Variants in EIF4G3 observed in about 807,000 individuals in gnomAD.
EIF4G3 encodes the protein eukaryotic translation initiation factor 4 gamma 3, also known as eIF-4-gamma 3.
Under a neutral mutation model 186.4 loss-of-function variants are expected in EIF4G3, and 34 were observed. The observed-to-expected ratio is 0.18, with a 90% CI of 0.14 to 0.24. EIF4G3 has a LOEUF of 0.24. EIF4G3 is among the 10% of genes least tolerant of loss of function. The probability of loss-of-function intolerance (pLI) is 1.00; values close to 1 mark genes in which losing one functional copy is unlikely to be tolerated. For missense variants in EIF4G3, 1,536 were observed against 1,948.5 expected (o/e 0.79, Z 3.99); for synonymous variants, 673 against 679.5 (o/e 0.99, Z 0.15).
At chr1:20,910,124 A>G (rs1442912170) in intron 14 of EIF4G3, among the ~76,000 whole-genome samples, 3 of 152,126 alleles carry the variant, frequency 2.0e-5, no homozygotes, top group Non-Finnish European at 4.4e-5. Flanking sequence ...AAAAGCTCGT[A>G]ATTAGTGCTA....
At chr1:21,029,220 A>C (rs1169254799) in intron 4 of EIF4G3, among the ~76,000 whole-genome samples, 2 of 151,542 alleles carry the variant, frequency 1.3e-5, no homozygotes, top group African/African-American at 4.9e-5. Context: ...AGGTTTCACC[A>C]CTTTGGCTAG....
intron 2 of EIF4G3, among the ~76,000 whole-genome samples, chr1:21,149,746 G>T (rs997269201): frequency 6.6e-6 from 1 of 152,154 alleles, no homozygotes; most frequent in Non-Finnish European, 1.5e-5. Flanking sequence ...CTGCACGAAA[G>T]GGAAGACCTT....
intron 2 of EIF4G3, among the ~76,000 whole-genome samples, chr1:21,093,261 A>G (rs1363489683): frequency 1.3e-5 from 2 of 152,186 alleles, no homozygotes; most frequent in African/African-American, 4.8e-5. Context: ...CAAGAAAAAA[A>G]CAAACAACCC....
intron 12 of EIF4G3, among the ~76,000 whole-genome samples, chr1:20,956,315 G>C (rs542723275): frequency 7.2e-5 from 11 of 152,302 alleles, no homozygotes; most frequent in Non-Finnish European, 1.0e-4. Flanking sequence ...AGAGACACTG[G>C]ATAGTATTTT....
chr1:20,904,731 A>T (rs1338553822), intron 15 of EIF4G3, 152 bp downstream of exon 15: 1 of 463,486 alleles, frequency 2.2e-6, no homozygotes, highest in African/African-American at 2.0e-5. Flanking sequence ...TCTTTTTAAA[A>T]TTCTAATATA....
intron 4 of EIF4G3, among the ~76,000 whole-genome samples, chr1:21,009,215 C>G (rs2086226740): frequency 6.6e-6 from 1 of 152,178 alleles, no homozygotes; most frequent in Non-Finnish European, 1.5e-5. Context: ...GGGTCTCGCT[C>G]TGTCACCTAC....
intron 2 of EIF4G3, among the ~76,000 whole-genome samples, chr1:21,143,178 G>C (rs770986230): frequency 6.6e-6 from 1 of 152,024 alleles, no homozygotes; most frequent in Non-Finnish European, 1.5e-5. Flanking sequence ...GAACCTGGGA[G>C]GCAGAGGTTG....
chr1:20,942,171 G>C lies in EIF4G3; in HGVS notation c.983C>G (p.Ser328Cys). The C allele has an allele frequency of 1.2e-6, 2 of 1,614,168 alleles. No individual in the cohort carries two copies. Among genetic ancestry groups the C allele is most frequent in the African/African-American group, 1.3e-5 (1 of 75,058 alleles). ...TGCAATTGTACTTCGAGCAACAGAAGAAACAGTGGTAGGTGATGGAGGCAG... is the reference window on the plus strand; with the variant it reads ...TGCAATTGTACTTCGAGCAACAGAACAAACAGTGGTAGGTGATGGAGGCAG... Reference protein sequence around the residue: ...LPLPPSPTTVSSVARSTIAAP... With the variant: ...LPLPPSPTTVCSVARSTIAAP... The change falls in exon 14 of 37, where the codon TCT (serine) becomes TGT (cysteine). Residue 328 changes from serine to cysteine, a missense_variant. This residue lies in a region of EIF4G3 where 560 missense variants were observed against 547.8 expected (regional missense o/e 1.02). Transcript: ENST00000602326.
intron 4 of EIF4G3, among the ~76,000 whole-genome samples, chr1:21,023,948 C>T (rs1451917403): frequency 1.3e-5 from 1 of 78,612 alleles, no homozygotes; most frequent in South Asian, 4.0e-4. Flanking sequence ...TGCCCGGCCA[C>T]GACCCCATCT....
intron 30 of EIF4G3, among the ~76,000 whole-genome samples, chr1:20,835,322 T>C (rs2066430831): frequency 6.6e-6 from 1 of 151,604 alleles, no homozygotes. Context: ...ATCAAGGAAC[T>C]AGAAAAAGAA....
chr1:21,131,451 G>GAA (rs767743509), intron 2 of EIF4G3, among the ~76,000 whole-genome samples: 7 of 85,232 alleles, frequency 8.2e-5, no homozygotes, highest in East Asian at 3.5e-4. Context: ...GAATTTTCCA[G>GAA]AAAAAAAAAA....
chr1:21,010,500 A>G (rs1390196318), intron 4 of EIF4G3, among the ~76,000 whole-genome samples: 1 of 152,186 alleles, frequency 6.6e-6, no homozygotes, highest in Non-Finnish European at 1.5e-5. Flanking sequence ...TTACTATCTT[A>G]ACCACTAAGT....
intron 2 of EIF4G3, among the ~76,000 whole-genome samples, chr1:21,101,562 G>GAATAAAAAAAAAAA (rs2096522498): frequency 2.8e-5 from 1 of 35,370 alleles, no homozygotes; most frequent in African/African-American, 8.6e-5. Context: ...AGGGTCTCAG[G>GAATAAAAAAAAAAA]AAAAAAAAAA....
Position 21,119,399 on chromosome 1 carries a change from G to A in EIF4G3, c.-271-30186C>T, listed in dbSNP as rs536084115. Among the ~76,000 whole-genome samples the A allele has an allele frequency of 3.3e-5, 5 of 152,044 alleles. No homozygotes were observed. In the South Asian group the frequency reaches 6.2e-4, roughly 19 times the overall value. Reference sequence around the variant, plus strand: ...TAAATTTCCTTTATAAAATGACTACGGAGAATAAAATACCAAATTCATGTA... The same window carrying A: ...TAAATTTCCTTTATAAAATGACTACAGAGAATAAAATACCAAATTCATGTA... On this transcript the variant is annotated intron_variant, in intron 2 of 36. Transcript: ENST00000602326.
At chr1:20,824,816 T>C (rs1032236474) in intron 33 of EIF4G3, among the ~76,000 whole-genome samples, 7 of 152,184 alleles carry the variant, frequency 4.6e-5, no homozygotes, top group Admixed American at 4.6e-4. Context: ...AGGAGACAGC[T>C]TTGGCCCTGT....
chr1:21,141,762 C>T lies in EIF4G3; in HGVS notation c.-272+34413G>A, dbSNP rs547800849. Among the ~76,000 whole-genome samples, 40 of 152,160 alleles carry T rather than the reference C, an allele frequency of 2.6e-4. No homozygotes were observed. The South Asian group carries it at 8.3e-3, about 32-fold the overall frequency. On this transcript the variant is annotated intron_variant, in intron 2 of 36. Transcript: ENST00000602326. ...TGGACAACATAGTGAGACCCTGACTCTACCAAAAATTTTTATAACTTAGTC... is the reference window on the plus strand; with the variant it reads ...TGGACAACATAGTGAGACCCTGACTTTACCAAAAATTTTTATAACTTAGTC...
At chr1:20,820,144 A>G (rs542365632) in intron 33 of EIF4G3, among the ~76,000 whole-genome samples, 2 of 148,424 alleles carry the variant, frequency 1.3e-5, no homozygotes, top group East Asian at 4.2e-4. Context: ...CCTCCCACCC[A>G]AACTGCAGCT....
At position 20,810,738 on chromosome 1, in the gene EIF4G3, T is replaced by C. The variant is rs2059082158; in HGVS notation, c.4744A>G (p.Asn1582Asp). Residue 1582 changes from asparagine to aspartate, a missense_variant and splice_region_variant, in exon 36 of 37, where the codon AAT (asparagine) becomes GAT (aspartate). Asn to Asp is a conservative substitution (Grantham distance 23). Transcript: ENST00000602326. This position sits in a 1 kb window ranked among gnomAD's most constrained non-coding sequence, Gnocchi z 4.1. ...TAACTGTAACATGAGATAAACTTAC[T>C]GGCAGGTTGATCAAGTTTTACTATC... Reference protein sequence around the residue: ...ASIVKLDQPANLLRMFFDCLY... With the variant: ...ASIVKLDQPADLLRMFFDCLY... 1.2e-6 allele frequency: 2 copies of C among 1,613,204 alleles called. No homozygotes were observed. Among genetic ancestry groups the C allele is most frequent in the Admixed American group, 3.3e-5 (2 of 59,996 alleles).
At chr1:21,128,775 CA>C (rs2097098089) in intron 2 of EIF4G3, among the ~76,000 whole-genome samples, 1 of 152,056 alleles carries the variant, frequency 6.6e-6, no homozygotes, top group Non-Finnish European at 1.5e-5. Flanking sequence ...GGAATGATTA[CA>C]ACTTTGAATG....
Sources: allele counts gnomAD v4.1 joint callset (sites outside exome capture counted in the v4.1 genomes callset), GRCh38; gene constraint gnomAD v4.1.1; regional missense constraint gnomAD v4.1.1; non-coding constraint Gnocchi (gnomAD v3.1); transcripts MANE v1.5; gene names NCBI Gene and HGNC (gene_info 2026-07-23, HGNC 2026-07-21).